The following ADAM29 variants were observed in gnomAD, a reference collection of about 807,000 sequenced individuals.
ADAM29 encodes ADAM metallopeptidase domain 29.
For synonymous variants in ADAM29, 367 were observed against 342.3 expected, an observed-to-expected ratio of 1.07 and a Z score of -0.80; for missense variants, 969 against 1,001.8, an observed-to-expected ratio of 0.97 and a Z score of 0.44.
intron 4 of ADAM29, among the ~76,000 whole-genome samples, chr4:174,944,985 T>C (rs910035996): frequency 1.3e-5 from 2 of 152,180 alleles, no homozygotes; most frequent in Non-Finnish European, 2.9e-5. Context: ...GTGATGAATA[T>C]ACATGTACAT....
rs139483964 is a variant in ADAM29, at chr4:174,953,845, G to A, written c.-181+16832G>A. ...CTCCCTCAGCCTCCTGAGTAGCTGG[G>A]ACTATAGGCATGCACCACCATGCCC... On this transcript the variant is annotated intron_variant, in intron 4 of 4. Coordinates refer to ENST00000359240, the MANE Select transcript of ADAM29 (RefSeq NM_014269.4). 8.3e-3 allele frequency among the ~76,000 whole-genome samples: 1,256 copies of A among 152,176 alleles called. 21 individuals carry two copies. Among genetic ancestry groups the A allele is most frequent in the African/African-American group, 0.027 (1,128 of 41,514 alleles).
chr4:174,959,205 T>A (rs9998736), intron 4 of ADAM29, among the ~76,000 whole-genome samples: 3,029 of 152,010 alleles, frequency 0.02, 105 homozygotes, highest in African/African-American at 0.069. Flanking sequence ...ACTTCTCCTT[T>A]ATTTTTGAAG....
intron 4 of ADAM29, among the ~76,000 whole-genome samples, chr4:174,963,890 C>T (rs1746003739): frequency 6.6e-6 from 1 of 152,076 alleles, no homozygotes; most frequent in African/African-American, 2.4e-5. Flanking sequence ...AGGCTGGTCT[C>T]GAACTCCTGA....
At chr4:174,959,314 G>T (rs527799144) in intron 4 of ADAM29, among the ~76,000 whole-genome samples, 7 of 151,736 alleles carry the variant, frequency 4.6e-5, no homozygotes, top group African/African-American at 1.7e-4. Context: ...ATTATTTTAG[G>T]GGCGAAGTCA....
At chr4:174,968,069 C>T (rs766141901) in intron 4 of ADAM29, among the ~76,000 whole-genome samples, 14 of 152,006 alleles carry the variant, frequency 9.2e-5, no homozygotes, top group East Asian at 1.9e-4. Context: ...ATTTTTCCTT[C>T]GTGTTTCTTT....
At chr4:174,959,979 C>T (rs1745715683) in intron 4 of ADAM29, among the ~76,000 whole-genome samples, 1 of 151,916 alleles carries the variant, frequency 6.6e-6, no homozygotes, top group African/African-American at 2.4e-5. Flanking sequence ...ATGATTTTTA[C>T]AATGAATCCA....
In ADAM29 at chr4:174,976,314, G is replaced by GA. The variant is rs1181413453; in HGVS notation, c.792dup (p.Ser265IlefsTer20). 6.2e-7 allele frequency: 1 copy of GA among 1,612,556 alleles called. No individual in the cohort carries two copies. Among genetic ancestry groups the GA allele is most frequent in the East Asian group, 2.2e-5 (1 of 44,870 alleles). ...ACCTCATTGTAGTAGATGATGTAAGGAAATCTGTGCACCTGTATTGCAAGT... is the reference window on the plus strand; with the variant it reads ...ACCTCATTGTAGTAGATGATGTAAGGAAAATCTGTGCACCTGTATTGCAAGT... On this transcript the variant is annotated frameshift_variant, in exon 5 of 5. Transcript: ENST00000359240. LOFTEE classifies it low-confidence loss of function (END_TRUNC).
At position 174,977,408 on chromosome 4, in the gene ADAM29, C is replaced by A. The variant is rs1217303395; in HGVS notation, c.1883C>A (p.Ala628Glu). 1 of 1,613,948 alleles carries A rather than the reference C, an allele frequency of 6.2e-7. No homozygotes were observed. Among genetic ancestry groups the A allele is most frequent in the South Asian group, 1.1e-5 (1 of 91,042 alleles). The change falls in exon 5 of 5, where the codon GCA becomes GAA. Residue 628 changes from alanine (A) to glutamate (E), a missense_variant. Transcript: ENST00000359240. ...ITILNSNCSP[A>E]FCNKRGICNN... Reference sequence around the variant, plus strand: ...ATCTTGAATAGTAATTGCTCACCTGCATTTTGTAACAAGAGGGGCATCTGC... The same window carrying A: ...ATCTTGAATAGTAATTGCTCACCTGAATTTTGTAACAAGAGGGGCATCTGC...
intron 4 of ADAM29, among the ~76,000 whole-genome samples, chr4:174,955,207 A>C (rs1384130312): frequency 6.6e-6 from 1 of 152,044 alleles, no homozygotes; most frequent in Non-Finnish European, 1.5e-5. Context: ...CGTATGACAT[A>C]TTTTTGAGCT....
chr4:174,925,072 C>T (rs942844664), intron 2 of ADAM29, among the ~76,000 whole-genome samples: 1 of 152,102 alleles, frequency 6.6e-6, no homozygotes, highest in African/African-American at 2.4e-5. Flanking sequence ...AACAAAATAC[C>T]TTCCCAGTAC....
chr4:174,937,455 AC>A (rs899609915), intron 4 of ADAM29, among the ~76,000 whole-genome samples: 1 of 152,024 alleles, frequency 6.6e-6, no homozygotes, highest in African/African-American at 2.4e-5. Flanking sequence ...AAGTTCAAAA[AC>A]ATCTGACTTT....
At chr4:174,968,400 C>A (rs1040685211) in intron 4 of ADAM29, among the ~76,000 whole-genome samples, 8 of 152,160 alleles carry the variant, frequency 5.3e-5, no homozygotes, top group South Asian at 2.1e-4. Context: ...AGTCACACTG[C>A]CCATGCCAAC....
At position 174,977,443 on chromosome 4, in the gene ADAM29, C is replaced by T. The variant is rs766113142; in HGVS notation, c.1918C>T (p.His640Tyr). The change falls in exon 5 of 5, where the codon CAT becomes TAT. Residue 640 changes from histidine to tyrosine, a missense_variant. His to Tyr is a moderately conservative substitution (Grantham distance 83). Coordinates refer to ENST00000359240, the MANE Select transcript of ADAM29 (RefSeq NM_014269.4). Reference protein sequence around the residue: ...CNKRGICNNKHHCHCNYLWDP... With the variant: ...CNKRGICNNKYHCHCNYLWDP... The stretch of plus-strand genomic sequence containing the variant: ...CAAGAGGGGCATCTGCAACAATAAA[C>T]ATCACTGCCATTGCAATTATCTGTG... 4.3e-6 allele frequency: 7 copies of T among 1,613,796 alleles called. No individual in the cohort carries two copies. The highest frequency in any genetic ancestry group is 5.9e-6 in the Non-Finnish European group (7 of 1,179,878).
At chr4:174,974,243 T>C (rs1746626248) in intron 4 of ADAM29, among the ~76,000 whole-genome samples, 1 of 152,232 alleles carries the variant, frequency 6.6e-6, no homozygotes, top group South Asian at 2.1e-4. Context: ...TCTTAGTCAT[T>C]TGGCCAGAAA....
At chr4:174,950,932 C>T (rs1484524968) in intron 4 of ADAM29, among the ~76,000 whole-genome samples, 1 of 152,140 alleles carries the variant, frequency 6.6e-6, no homozygotes, top group Non-Finnish European at 1.5e-5. Flanking sequence ...GTAAAACATG[C>T]TTGCTTCCCC....
chr4:174,965,787 C>T (rs879495905), intron 4 of ADAM29, among the ~76,000 whole-genome samples: 3 of 151,474 alleles, frequency 2.0e-5, no homozygotes, highest in Admixed American at 6.6e-5. Context: ...ATCATGGGGG[C>T]CTTGCTCTCA....
intron 4 of ADAM29, among the ~76,000 whole-genome samples, chr4:174,939,801 G>A (rs937566984): frequency 2.0e-5 from 3 of 152,158 alleles, no homozygotes; most frequent in African/African-American, 7.2e-5. Flanking sequence ...AAACAAGCCT[G>A]AGGCTACCAA....
rs954578322 is a variant in ADAM29 at position 174,975,857 on chromosome 4, A to G, written c.332A>G (p.Glu111Gly). The G allele has an allele frequency of 4.3e-6, 7 of 1,613,880 alleles. No homozygotes were observed. In the Admixed American group the frequency reaches 1.2e-4, roughly 27 times the overall value. ...CATGGTTATGTGGAAGGGGACCCAG[A>G]ATCCCTGGTTTCCCTCAGTACCTGT... ...YYHGYVEGDPESLVSLSTCFG... is the reference protein window; with the variant it reads ...YYHGYVEGDPGSLVSLSTCFG... The change falls in exon 5 of 5, where the codon GAA (glutamate) becomes GGA (glycine). Residue 111 changes from glutamate (E) to glycine (G), a missense_variant. By Grantham distance (98) the Glu-to-Gly change is moderately conservative. Coordinates refer to ENST00000359240, the MANE Select transcript of ADAM29 (RefSeq NM_014269.4).
intron 4 of ADAM29, among the ~76,000 whole-genome samples, chr4:174,940,193 A>G (rs1191883048): frequency 6.6e-6 from 1 of 152,136 alleles, no homozygotes; most frequent in East Asian, 1.9e-4. Context: ...ATCACACCTC[A>G]TGGTGGCAAA....
Sources: allele counts gnomAD v4.1 joint callset (sites outside exome capture counted in the v4.1 genomes callset), GRCh38; gene constraint gnomAD v4.1.1; transcripts MANE v1.5; gene names NCBI Gene and HGNC (gene_info 2026-07-23, HGNC 2026-07-21).